Variants in ZNF540 observed in about 807,000 individuals in gnomAD.
ZNF540 encodes CTD-3064H18.6.
Under a neutral mutation model 11.8 loss-of-function variants are expected in ZNF540, and 3 were observed. The observed-to-expected ratio is 0.25, with a 90% confidence interval of 0.12 to 0.65. The LOEUF (loss-of-function observed/expected upper bound fraction) is 0.65, where lower values mean the gene tolerates loss of function less well. Among genes scored for constraint, ZNF540 ranks in the 30% least tolerant of loss-of-function variants. The pLI is 0.83. For missense variants in ZNF540, 709 were observed against 793.1 expected, an observed-to-expected ratio of 0.89 and a Z score of 1.27; for synonymous variants, 247 against 259.0, an observed-to-expected ratio of 0.95 and a Z score of 0.45.
intron 4 of ZNF540, among the ~76,000 whole-genome samples, chr19:37,605,416 G>A (rs1329724620): frequency 3.3e-5 from 5 of 152,174 alleles, no homozygotes; most frequent in African/African-American, 9.7e-5. Flanking sequence ...TTGGGAGGCC[G>A]AGGTGGGTGG....
chr19:37,600,658 T>C (rs745407644), intron 3 of ZNF540, among the ~76,000 whole-genome samples: 29 of 152,194 alleles, frequency 1.9e-4, no homozygotes, highest in Non-Finnish European at 3.7e-4. Flanking sequence ...CCAGTTTGTT[T>C]ACAATCATTA....
chr19:37,565,242 A>G, intron 1 of ZNF540: 3 of 1,612,870 alleles, frequency 1.9e-6, no homozygotes, highest in Non-Finnish European at 2.5e-6. Flanking sequence ...GCTTTCCCAC[A>G]TTCTTTGCAT....
chr19:37,598,390 T>C lies in ZNF540; in HGVS notation c.-58T>C. The C allele has an allele frequency of 6.2e-7, 1 of 1,606,990 alleles. No individual in the cohort carries two copies. On this transcript the variant is annotated 5_prime_UTR_variant, in exon 2 of 5. Transcript: ENST00000316433. Reference sequence around the variant, plus strand: ...CTCTAACTCAGGCTTCTCAGAACTTTGCTTCTCCAGCAGAATAATCCTGCG... The same window carrying C: ...CTCTAACTCAGGCTTCTCAGAACTTCGCTTCTCCAGCAGAATAATCCTGCG...
chr19:37,555,742 C>T (rs935910148), intron 1 of ZNF540: 1 of 612,852 alleles, frequency 1.6e-6, no homozygotes, highest in Non-Finnish European at 2.9e-6. Context: ...GGATGGTGAA[C>T]ATAGTCCCAA....
chr19:37,551,835 G>A (rs73932911), intron 1 of ZNF540, among the ~76,000 whole-genome samples: 1 of 114,486 alleles, frequency 8.7e-6, no homozygotes, highest in Non-Finnish European at 1.9e-5. Flanking sequence ...TGTGTGTGTG[G>A]GGGGGGTGGT....
rs1457012465 is a variant in ZNF540, at chr19:37,586,921, T to C, written c.-72-11455T>C. On this transcript the variant is annotated intron_variant, in intron 1 of 4. Coordinates refer to the ZNF540 transcript ENST00000592533. ...GGTTCAGGCAGACCTTTCCTTAATG[T>C]CCATGTTGAACAGGACCCTAGGTGC... 5.5e-6 allele frequency: 3 copies of C among 543,902 alleles called. No homozygotes were observed. In the South Asian group the frequency reaches 7.5e-5, roughly 14 times the overall value. 33.7% of individuals were successfully genotyped at this position (543,902 alleles called of 1,614,324 possible).
chr19:37,555,688 A>G, intron 1 of ZNF540: 1 of 588,582 alleles, frequency 1.7e-6, no homozygotes, highest in South Asian at 2.1e-5. Flanking sequence ...GATCAGTTAA[A>G]GGCCCGATTG....
rs961913084 is a variant in ZNF540, at chr19:37,569,390, C to T, written c.-73+17725C>T. Among the ~76,000 whole-genome samples the T allele has an allele frequency of 1.3e-5, 2 of 151,994 alleles. No homozygotes were observed. The highest frequency in any genetic ancestry group is 1.3e-4 in the Admixed American group (2 of 15,250). On this transcript the variant is annotated intron_variant, in intron 1 of 4. Coordinates refer to the ZNF540 transcript ENST00000592533. This position sits in a 1 kb window ranked among gnomAD's most constrained non-coding sequence, Gnocchi z 4.4. ...TCACCATCTTAAGATTTTTCAATAG[C>T]CTGCAAAAATTGGAGGGATAAAATC...
chr19:37,555,329 C>T (rs750996178), intron 1 of ZNF540: 11 of 152,470 alleles, frequency 7.2e-5, no homozygotes, highest in Non-Finnish European at 1.5e-4. Flanking sequence ...GGAATCAAAT[C>T]GTTGATTCCT....
intron 2 of ZNF540, 65 bp downstream of exon 2, chr19:37,598,521 A>G: frequency 6.4e-7 from 1 of 1,570,812 alleles, no homozygotes; most frequent in Non-Finnish European, 8.8e-7. Flanking sequence ...GAACATTTTC[A>G]CTCTTTATGC....
intron 1 of ZNF540, chr19:37,567,641 G>A (rs2042907062): frequency 6.6e-6 from 1 of 152,086 alleles, no homozygotes; most frequent in South Asian, 2.1e-4. Context: ...TGTTCCATCT[G>A]CCAAGAATGC....
At position 37,579,524 on chromosome 19, in the gene ZNF540, T is replaced by C. The variant is rs184372873; in HGVS notation, c.-72-18852T>C. On this transcript the variant is annotated intron_variant, in intron 1 of 4. Coordinates refer to the ZNF540 transcript ENST00000592533. ...CCCTATTCAATAAATGGTGCTGGGA[T>C]AACTGGCTAGCCATATGCAGAAGAA... 3.7e-3 allele frequency among the ~76,000 whole-genome samples: 553 copies of C among 150,110 alleles called. 5 individuals carry two copies. The highest frequency in any genetic ancestry group is 3.3e-3 in the Non-Finnish European group (223 of 67,756).
At chr19:37,576,139 G>C (rs1027502939) in intron 1 of ZNF540, among the ~76,000 whole-genome samples, 2 of 151,916 alleles carry the variant, frequency 1.3e-5, no homozygotes, top group Non-Finnish European at 2.9e-5. Flanking sequence ...TTAAAAATTA[G>C]GCTTTCTGGG....
chr19:37,598,834 TCA>T (rs1374011166), intron 2 of ZNF540, among the ~76,000 whole-genome samples: 1 of 152,158 alleles, frequency 6.6e-6, no homozygotes, highest in African/African-American at 2.4e-5. Flanking sequence ...TTGATTGGCC[TCA>T]GTTTCAGTAT....
upstream of ZNF540, chr19:37,594,815 G>T (rs1202752268): frequency 2.0e-5 from 3 of 152,224 alleles, no homozygotes; most frequent in African/African-American, 7.2e-5. Context: ...CGACGCGGGG[G>T]CCTTCGGGAA....
intron 1 of ZNF540, among the ~76,000 whole-genome samples, chr19:37,597,931 G>T (rs1245479814): frequency 1.3e-5 from 2 of 152,228 alleles, no homozygotes; most frequent in Admixed American, 6.5e-5. Context: ...ATGGGCCATA[G>T]GTTGCAAACT....
rs778438755 is a variant in ZNF540, at chr19:37,566,162, T to C, written c.-73+14497T>C. The C allele has an allele frequency of 1.9e-6, 3 of 1,614,044 alleles. No individual in the cohort carries two copies. In the South Asian group the frequency reaches 3.3e-5, roughly 18 times the overall value. On this transcript the variant is annotated intron_variant, in intron 1 of 4. Coordinates refer to the ZNF540 transcript ENST00000592533. ...CTCTAAGTTGCCTTTGCACTCCATA[T>C]TGTCTCCAAGACCATTGTATTGAAG...
At chr19:37,589,864 C>CAAAAAAAAAA (rs60136941), upstream of ZNF540, among the ~76,000 whole-genome samples, 7 of 29,586 alleles carry the variant, frequency 2.4e-4, 2 homozygotes, top group African/African-American at 4.4e-4. Context: ...GACTCCATCT[C>CAAAAAAAAAA]AAAAAAAAAA....
chr19:37,608,766 A>G (rs1600563503), intron 4 of ZNF540, among the ~76,000 whole-genome samples: 1 of 152,146 alleles, frequency 6.6e-6, no homozygotes, highest in East Asian at 1.9e-4. Flanking sequence ...TAGGTGTGAC[A>G]GGATAGCTTA....
Sources: allele counts gnomAD v4.1 joint callset (sites outside exome capture counted in the v4.1 genomes callset), GRCh38; gene constraint gnomAD v4.1.1; non-coding constraint Gnocchi (gnomAD v3.1); transcripts MANE v1.5; gene names NCBI Gene and HGNC (gene_info 2026-07-23, HGNC 2026-07-21).